Variants in MCCC1 observed in about 807,000 individuals in gnomAD.
The protein encoded by MCCC1 is methylcrotonoyl-CoA carboxylase subunit alpha, mitochondrial.
Under a neutral mutation model 83.8 loss-of-function variants are expected in MCCC1, and 64 were observed. The observed-to-expected ratio is 0.76, with a 90% CI of 0.62 to 0.94. The LOEUF (loss-of-function observed/expected upper bound fraction) is 0.94. Ranked by LOEUF, MCCC1 falls within the 40% of genes least tolerant of loss-of-function variation. MCCC1 has a pLI of 0.00. For synonymous variants in MCCC1, 322 were observed against 315.4 expected (o/e 1.02, Z -0.22); for missense variants, 807 against 904.7 (o/e 0.89, Z 1.39).
chr3:183,105,877 C>A (rs1029008544), intron 1 of MCCC1, among the ~76,000 whole-genome samples: 8 of 151,958 alleles, frequency 5.3e-5, no homozygotes, highest in Non-Finnish European at 8.8e-5. Flanking sequence ...ATCACGAGGT[C>A]AGGAGTTCAA....
chr3:183,017,418 T>A, intron 17 of MCCC1, 81 bp from the exon 18 acceptor site: 1 of 1,237,460 alleles, frequency 8.1e-7, no homozygotes, highest in Non-Finnish European at 1.2e-6. Flanking sequence ...TAGTAACCAT[T>A]TTACTGTCTA....
intron 16 of MCCC1, 61 bp downstream of exon 16, chr3:183,022,356 T>G: frequency 6.3e-7 from 1 of 1,578,510 alleles, no homozygotes; most frequent in Non-Finnish European, 8.7e-7. Context: ...CAGTGGAATG[T>G]CTCTGGTCAA....
In MCCC1 at chr3:183,092,429, TTC is replaced by T; in HGVS notation, c.251_252del (p.Arg84LysfsTer10). The T allele has an allele frequency of 6.2e-7, 1 of 1,614,228 alleles. No homozygotes were observed. The highest frequency in any genetic ancestry group is 8.5e-7 in the Non-Finnish European group (1 of 1,180,044). ...CATACCATATCTACATGCATGGAAT[TTC>T]TGTCAGCCTCACTATAAACCGCCAC... is the stretch of plus-strand genomic sequence containing the variant. ...QTVAVYSEADRNSMHVDMADE... is the reference protein window; with the variant it reads ...QTVAVYSEADXNSMHVDMADE... On this transcript the variant is annotated frameshift_variant, in exon 3 of 19. Coordinates refer to ENST00000265594, the MANE Select transcript of MCCC1 (RefSeq NM_020166.5). LOFTEE classifies it high-confidence loss of function.
intron 14 of MCCC1, among the ~76,000 whole-genome samples, chr3:183,033,776 A>AT (rs869078047): frequency 1.8e-4 from 28 of 152,338 alleles, no homozygotes; most frequent in African/African-American, 6.7e-4. Context: ...TATTTACAAA[A>AT]TTTTTAAAAA....
chr3:183,094,724 A>G (rs1718615755), intron 1 of MCCC1, 119 bp from the exon 2 acceptor site: 1 of 989,168 alleles, frequency 1.0e-6, no homozygotes, highest in Non-Finnish European at 1.6e-6. Flanking sequence ...GTGCTTTAGT[A>G]AGACTTTCTT....
intron 14 of MCCC1, among the ~76,000 whole-genome samples, chr3:183,028,095 T>C (rs553895807): frequency 6.6e-6 from 1 of 152,332 alleles, no homozygotes; most frequent in South Asian, 2.1e-4. Flanking sequence ...TTCTAGGGGT[T>C]AATGCAGCCA....
chr3:183,032,125 G>A (rs964060901), intron 14 of MCCC1, among the ~76,000 whole-genome samples: 8 of 152,184 alleles, frequency 5.3e-5, no homozygotes, highest in Non-Finnish European at 1.2e-4. Context: ...GTAGTGAACA[G>A]CAATCATGTT....
intron 1 of MCCC1, chr3:183,099,106 G>GA (rs1186788175): frequency 3.4e-6 from 2 of 592,572 alleles, no homozygotes; most frequent in Non-Finnish European, 3.0e-6. Flanking sequence ...CTCAGAAATG[G>GA]AAAAACAGAA....
rs149722552 is a variant in MCCC1, at chr3:183,062,893, C to A, written c.762-5471G>T. ...CCCAGCTGCCCTAATTCAGCCACTGCCAGAGTACGGCCAGAGAGACAGACA... is the reference window on the plus strand; with the variant it reads ...CCCAGCTGCCCTAATTCAGCCACTGACAGAGTACGGCCAGAGAGACAGACA... On this transcript the variant is annotated intron_variant, in intron 7 of 18. Transcript: ENST00000265594. Among the ~76,000 whole-genome samples the A allele has an allele frequency of 2.7e-4, 41 of 152,280 alleles. 1 individual carries two copies. In the East Asian group the frequency reaches 6.7e-3, roughly 25 times the overall value.
intron 2 of MCCC1, among the ~76,000 whole-genome samples, chr3:183,092,930 G>A (rs925240511): frequency 4.0e-5 from 6 of 151,794 alleles, no homozygotes; most frequent in African/African-American, 7.3e-5. Flanking sequence ...TTTTGCTCTC[G>A]TCCCCCAGGT....
At chr3:183,055,152 C>T (rs1451553716) in intron 8 of MCCC1, among the ~76,000 whole-genome samples, 1 of 152,052 alleles carries the variant, frequency 6.6e-6, no homozygotes, top group Non-Finnish European at 1.5e-5. Context: ...GCCTGTACTC[C>T]CAGCACTTTG....
chr3:183,065,322 A>G (rs1202743842), intron 7 of MCCC1, among the ~76,000 whole-genome samples: 1 of 152,110 alleles, frequency 6.6e-6, no homozygotes, highest in Non-Finnish European at 1.5e-5. Context: ...TACCGGGTTC[A>G]GGATTCAGTT....
At chr3:183,018,082 G>A (rs1711832223) in intron 17 of MCCC1, among the ~76,000 whole-genome samples, 1 of 152,146 alleles carries the variant, frequency 6.6e-6, no homozygotes, top group Non-Finnish European at 1.5e-5. Flanking sequence ...CAGCCCAAAT[G>A]TACTCGTCAA....
intron 1 of MCCC1, 30 bp from the exon 2 acceptor site, chr3:183,094,635 T>C: frequency 1.2e-6 from 2 of 1,600,508 alleles, no homozygotes. Flanking sequence ...GGAATTACAA[T>C]TAAACAGAAT....
At position 183,064,896 on chromosome 3, in the gene MCCC1, A is replaced by C. The variant is rs376522706; in HGVS notation, c.761+6103T>G. 6.9e-4 allele frequency among the ~76,000 whole-genome samples: 105 copies of C among 152,006 alleles called. No homozygotes were observed. The highest frequency in any genetic ancestry group is 2.3e-3 in the African/African-American group (97 of 41,508). ...GGCGGGTCTTTCTCTGGTCTCTCTGAGCACCTTGCTTTCCCCATCCTGCCA... is the reference window on the plus strand; with the variant it reads ...GGCGGGTCTTTCTCTGGTCTCTCTGCGCACCTTGCTTTCCCCATCCTGCCA... On this transcript the variant is annotated intron_variant, in intron 7 of 18. Transcript: ENST00000265594. This position sits in a 1 kb window ranked among gnomAD's most constrained non-coding sequence, Gnocchi z 4.5.
chr3:183,075,749 G>A (rs1717024764), intron 4 of MCCC1, among the ~76,000 whole-genome samples: 1 of 151,964 alleles, frequency 6.6e-6, no homozygotes, highest in Admixed American at 6.6e-5. Flanking sequence ...CACCATGTTA[G>A]CCAGGATGGT....
At chr3:183,069,079 T>G (rs1309511887) in intron 7 of MCCC1, among the ~76,000 whole-genome samples, 1 of 152,238 alleles carries the variant, frequency 6.6e-6, no homozygotes, top group Non-Finnish European at 1.5e-5. Context: ...ATCTTCTGCA[T>G]TTTCCAAAAA....
At chr3:183,066,601 A>G (rs1171289399) in intron 7 of MCCC1, among the ~76,000 whole-genome samples, 1 of 152,224 alleles carries the variant, frequency 6.6e-6, no homozygotes, top group African/African-American at 2.4e-5. Context: ...CCAAGCCCCA[A>G]AAGGTGATTT....
In MCCC1 at chr3:183,041,612, G is replaced by A. The variant is rs1560224165; in HGVS notation, c.1222C>T (p.Pro408Ser). The change falls in exon 11 of 19, where the codon CCT becomes TCT. Residue 408 changes from proline to serine, a missense_variant. Coordinates refer to ENST00000265594, the MANE Select transcript of MCCC1 (RefSeq NM_020166.5). Reference protein sequence around the residue: ...VAGPLVHLSTPRADPSTRIET... With the variant: ...VAGPLVHLSTSRADPSTRIET... ...ATCCTGGTGGAAGGGTCTGCTCGAG[G>A]AGTAGAGAGGTGCACTAATGGGCCT... 2 of 1,614,046 alleles carry A rather than the reference G, an allele frequency of 1.2e-6. No individual in the cohort carries two copies. The highest frequency in any genetic ancestry group is 1.7e-6 in the Non-Finnish European group (2 of 1,180,020).
Sources: gnomAD v4.1 joint callset for allele counts (sites outside exome capture counted in the v4.1 genomes callset) on GRCh38, gnomAD v4.1.1 for gene constraint, Gnocchi (gnomAD v3.1) non-coding constraint, MANE v1.5 for transcripts, NCBI Gene and HGNC (gene_info 2026-07-23, HGNC 2026-07-21) for gene names.